Variants in BLK observed in about 807,000 individuals in gnomAD.
BLK encodes BLK proto-oncogene, Src family tyrosine kinase, also known as tyrosine-protein kinase Blk.
Under a neutral mutation model 61.8 loss-of-function variants are expected in BLK, and 64 were observed. The ratio of observed to expected loss-of-function variants is 1.03; its 90% CI spans 0.85 to 1.27. The LOEUF (loss-of-function observed/expected upper bound fraction) is 1.27. BLK is among the 50% of genes most tolerant of loss of function. BLK has a pLI of 0.00. For missense variants in BLK, 853 were observed against 660.5 expected, an observed-to-expected ratio of 1.29 and a Z score of -3.19; for synonymous variants, 351 against 272.0, an observed-to-expected ratio of 1.29 and a Z score of -2.86.
intron 1 of BLK, among the ~76,000 whole-genome samples, chr8:11,536,083 G>A (rs147058976): frequency 2.0e-5 from 3 of 152,342 alleles, no homozygotes; most frequent in East Asian, 3.9e-4. Flanking sequence ...GTTAAAATGT[G>A]ATTATGAATT....
intron 1 of BLK, among the ~76,000 whole-genome samples, chr8:11,524,637 C>T (rs960561511): frequency 6.6e-6 from 1 of 152,006 alleles, no homozygotes; most frequent in Non-Finnish European, 1.5e-5. Flanking sequence ...TTAACCTCAA[C>T]AAAAATTAAG....
chr8:11,533,583 G>A lies in BLK; in HGVS notation c.-1-9641G>A, dbSNP rs1024626170. Among the ~76,000 whole-genome samples the A allele has an allele frequency of 1.7e-3, 90 of 52,736 alleles. 1 individual carries two copies. The highest frequency in any genetic ancestry group is 5.2e-3 in the African/African-American group (85 of 16,240). The allele number at this position is 52,736 out of a possible 152,430, so 34.6% of individuals were successfully genotyped here. On this transcript the variant is annotated intron_variant, in intron 1 of 12. Transcript: ENST00000259089. ...TGCTTCAGTTTCTTCCCTGTCTGCC[G>A]GAGGAGGAGGAGGAGGAGGAGAAGG...
chr8:11,507,240 G>T (rs983164141), intron 1 of BLK, among the ~76,000 whole-genome samples: 2 of 152,212 alleles, frequency 1.3e-5, no homozygotes, highest in Non-Finnish European at 2.9e-5. Context: ...AGGGAGGAAG[G>T]ACAGCTTGAC....
chr8:11,561,136 G>A (rs1563125971), intron 10 of BLK, 166 bp from the exon 11 acceptor site: 5 of 999,692 alleles, frequency 5.0e-6, no homozygotes, highest in Non-Finnish European at 7.6e-6. Context: ...GGGCTTCTAG[G>A]AGAGGAGTTT....
chr8:11,556,241 C>A (rs1801215422), intron 8 of BLK: 2 of 302,752 alleles, frequency 6.6e-6, no homozygotes, highest in South Asian at 3.3e-5. Context: ...CGCCATGGGG[C>A]TTCAGAAGGA....
chr8:11,532,193 A>G (rs575177582), intron 1 of BLK, among the ~76,000 whole-genome samples: 10 of 118,582 alleles, frequency 8.4e-5, no homozygotes, highest in African/African-American at 3.2e-4. Flanking sequence ...AAATTTTAAT[A>G]TTTATTTATT....
chr8:11,527,234 T>C (rs943371834), intron 1 of BLK, among the ~76,000 whole-genome samples: 2 of 152,176 alleles, frequency 1.3e-5, no homozygotes, highest in African/African-American at 4.8e-5. Flanking sequence ...AATGCTCTTT[T>C]TAAAAGTCAC....
At position 11,538,147 on chromosome 8, in the gene BLK, C is replaced by G. The variant is rs112239651; in HGVS notation, c.-1-5077C>G. ...GTGTATTCACACGCATGCTCTCGCT[C>G]TCACACACACACAAGTGCACATAAG... On this transcript the variant is annotated intron_variant, in intron 1 of 12. Coordinates refer to ENST00000259089, the MANE Select transcript of BLK (RefSeq NM_001715.3). 7.3e-3 allele frequency among the ~76,000 whole-genome samples: 1,113 copies of G among 152,358 alleles called. 7 individuals are homozygous for G. Among genetic ancestry groups the G allele is most frequent in the African/African-American group, 0.025 (1,050 of 41,580 alleles).
At chr8:11,523,951 T>A (rs549563569) in intron 1 of BLK, among the ~76,000 whole-genome samples, 1 of 152,280 alleles carries the variant, frequency 6.6e-6, no homozygotes, top group South Asian at 2.1e-4. Context: ...TTAATTTAGC[T>A]TCATAGATCA....
intron 1 of BLK, among the ~76,000 whole-genome samples, chr8:11,516,205 T>G (rs1215328076): frequency 1.3e-5 from 2 of 151,582 alleles, no homozygotes; most frequent in Non-Finnish European, 2.9e-5. Flanking sequence ...GTCCCTGGAG[T>G]AGTCCCATTC....
chr8:11,528,385 A>G (rs1333959740), intron 1 of BLK, among the ~76,000 whole-genome samples: 2 of 152,224 alleles, frequency 1.3e-5, no homozygotes, highest in African/African-American at 4.8e-5. Context: ...TTCCAAAGTT[A>G]CTTTGGTTTA....
chr8:11,520,249 G>T (rs2117327463), intron 1 of BLK, among the ~76,000 whole-genome samples: 1 of 152,220 alleles, frequency 6.6e-6, no homozygotes, highest in South Asian at 2.1e-4. Context: ...GGCTAAGGTA[G>T]GAGGATCGCT....
chr8:11,555,048 T>C (rs905014100), intron 7 of BLK, among the ~76,000 whole-genome samples, 159 bp downstream of exon 7: 93 of 152,148 alleles, frequency 6.1e-4, no homozygotes, highest in Admixed American at 3.9e-4. Context: ...GCACCGGGAA[T>C]TGGTGGCCCT....
At position 11,516,391 on chromosome 8, in the gene BLK, C is replaced by A. The variant is rs947746022; in HGVS notation, c.-2+21800C>A. Among the ~76,000 whole-genome samples the A allele has an allele frequency of 2.0e-5, 3 of 152,220 alleles. No individual in the cohort carries two copies. The East Asian group carries it at 5.8e-4, about 29-fold the overall frequency. On this transcript the variant is annotated intron_variant, in intron 1 of 12. Coordinates refer to ENST00000259089, the MANE Select transcript of BLK (RefSeq NM_001715.3). Reference sequence around the variant, plus strand: ...ACTTGGTGGGTGGGTCTCACGACCGCCCTTCCCCCTTGCGGTGCAAAGAAA... The same window carrying A: ...ACTTGGTGGGTGGGTCTCACGACCGACCTTCCCCCTTGCGGTGCAAAGAAA...
In BLK at chr8:11,563,487, G is replaced by A. The variant is rs186595805; in HGVS notation, c.1312+377G>A. Among the ~76,000 whole-genome samples the A allele has an allele frequency of 8.2e-3, 1,248 of 152,290 alleles. 8 individuals carry two copies. Among genetic ancestry groups the A allele is most frequent in the Non-Finnish European group, 0.012 (803 of 68,018 alleles). ...TTCCTGTGTGGCCAGAATCGTGGAC[G>A]ACAGCCCCCAGCCCCAGTCGAAGGG... On this transcript the variant is annotated intron_variant, in intron 12 of 12. Transcript: ENST00000259089.
intron 1 of BLK, among the ~76,000 whole-genome samples, chr8:11,504,183 G>A (rs1227490093): frequency 1.3e-5 from 2 of 152,064 alleles, no homozygotes; most frequent in East Asian, 1.9e-4. Flanking sequence ...TTAGCTGGGT[G>A]TGGTGGTGTG....
Position 11,522,257 on chromosome 8 carries a change from C to T in BLK, c.-1-20967C>T, listed in dbSNP as rs139331568. On this transcript the variant is annotated intron_variant, in intron 1 of 12. Transcript: ENST00000259089. ...AGGCCGTATACAGAGGCAAAGAATC[C>T]ATATAACCCATGAGCATCTCAAATA... Among the ~76,000 whole-genome samples, 733 of 152,198 alleles carry T rather than the reference C, an allele frequency of 4.8e-3. 9 individuals are homozygous for T. Among genetic ancestry groups the T allele is most frequent in the African/African-American group, 0.017 (697 of 41,514 alleles).
rs1042701 is a variant in BLK, at chr8:11,564,536, G to A, written c.*428G>A. The stretch of plus-strand genomic sequence containing the variant: ...GGTCCCGCGGACGCCAGCAGGGGCA[G>A]CCCCAGCCTAGGCTGCGCTCCAGCA... On this transcript the variant is annotated 3_prime_UTR_variant, in exon 13 of 13. Coordinates refer to ENST00000259089, the MANE Select transcript of BLK (RefSeq NM_001715.3). 0.38 allele frequency: 180,951 copies of A among 477,818 alleles called. 38,815 individuals carry two copies. The highest frequency in any genetic ancestry group is 0.48 in the Non-Finnish European group (116,229 of 241,414). 29.6% of individuals were successfully genotyped at this position (477,818 alleles called of 1,614,324 possible). A position where few individuals can be genotyped will look rare whatever the true frequency, so the allele number is the denominator to read the frequency against.
intron 1 of BLK, among the ~76,000 whole-genome samples, chr8:11,521,275 C>A (rs796290645): frequency 2.0e-5 from 3 of 152,052 alleles, no homozygotes; most frequent in African/African-American, 7.2e-5. Flanking sequence ...ATTTAATTTT[C>A]ACCTTTGATT....
Sources: allele counts gnomAD v4.1 joint callset (sites outside exome capture counted in the v4.1 genomes callset), GRCh38; gene constraint gnomAD v4.1.1; transcripts MANE v1.5; gene names NCBI Gene and HGNC (gene_info 2026-07-23, HGNC 2026-07-21).